PRRC2C: variants seen among roughly 807,000 people sequenced by gnomAD.
PRRC2C encodes the protein proline rich coiled-coil 2C.
A neutral mutation model predicts 317.2 loss-of-function variants in PRRC2C; 72 were observed. The ratio of observed to expected loss-of-function variants is 0.23; its 90% CI spans 0.19 to 0.28. The LOEUF is 0.28. PRRC2C is among the 10% of genes least tolerant of loss of function. The pLI, the probability that PRRC2C is intolerant of heterozygous loss-of-function variation, is 1.00. For synonymous variants in PRRC2C, 1,296 were observed against 1,205.9 expected (o/e 1.07, Z -1.55); for missense variants, 3,074 against 3,459.7 (o/e 0.89, Z 2.80).
intron 1 of PRRC2C, among the ~76,000 whole-genome samples, chr1:171,495,095 T>G (rs983915136): frequency 1.3e-5 from 2 of 152,358 alleles, no homozygotes; most frequent in Admixed American, 1.3e-4. Context: ...ATGTTTGTCT[T>G]CATGAAGCCT....
chr1:171,548,282 T>G (rs1679555588), intron 17 of PRRC2C, among the ~76,000 whole-genome samples: 1 of 152,146 alleles, frequency 6.6e-6, no homozygotes, highest in South Asian at 2.1e-4. Context: ...TTCTAAGGAG[T>G]GAAAGCCAGT....
intron 19 of PRRC2C, among the ~76,000 whole-genome samples, chr1:171,558,583 T>A (rs1681915470): frequency 6.6e-6 from 1 of 152,222 alleles, no homozygotes; most frequent in Admixed American, 6.5e-5. Flanking sequence ...TGGTGGTCAG[T>A]TATCTTTGAT....
intron 34 of PRRC2C, 104 bp downstream of exon 34, chr1:171,589,709 G>C (rs1650924014): frequency 3.7e-6 from 3 of 804,280 alleles, no homozygotes; most frequent in African/African-American, 3.6e-5. Context: ...CATTGTCTTA[G>C]CAGACTTAAC....
rs1355806448 is a variant in PRRC2C, at chr1:171,557,450, C to T, written c.5338C>T (p.Pro1780Ser). The change falls in exon 19 of 35, where the codon CCA becomes TCA. Residue 1780 changes from proline (P) to serine (S), a missense_variant. Around this residue, in one of 11 missense-constraint regions of PRRC2C, gnomAD observed 640 missense variants for 676.1 expected, o/e 0.95. Coordinates refer to ENST00000647382, the MANE Select transcript of PRRC2C (RefSeq NM_001387844.1). ...APLPATLTPV[P>S]ASTSAPVPAS... Reference sequence around the variant, plus strand: ...ACTTCCGGCAACCTTAACTCCAGTTCCAGCCTCAACCTCAGCTCCGGTTCC... The same window carrying T: ...ACTTCCGGCAACCTTAACTCCAGTTTCAGCCTCAACCTCAGCTCCGGTTCC... The T allele has an allele frequency of 5.2e-6, 8 of 1,546,240 alleles. No homozygotes were observed. Among genetic ancestry groups the T allele is most frequent in the Non-Finnish European group, 7.0e-6 (8 of 1,143,124 alleles).
intron 20 of PRRC2C, among the ~76,000 whole-genome samples, chr1:171,561,598 C>T (rs1682726654): frequency 6.6e-6 from 1 of 152,218 alleles, no homozygotes; most frequent in South Asian, 2.1e-4. Context: ...AAGTGATACT[C>T]TTGCTGCTAC....
rs577357740 is a variant in PRRC2C, at chr1:171,551,588, G to C, written c.5127+1348G>C. 5.9e-5 allele frequency among the ~76,000 whole-genome samples: 9 copies of C among 152,236 alleles called. No homozygotes were observed. In the South Asian group the frequency reaches 1.9e-3, roughly 32 times the overall value. Reference sequence around the variant, plus strand: ...TAGGTTTTCTTCTAGGGTTTTTATCGTTTTAGGTCTAACATTTAAGTCTTT... The same window carrying C: ...TAGGTTTTCTTCTAGGGTTTTTATCCTTTTAGGTCTAACATTTAAGTCTTT... On this transcript the variant is annotated intron_variant, in intron 18 of 34. Coordinates refer to ENST00000647382, the MANE Select transcript of PRRC2C (RefSeq NM_001387844.1).
intron 3 of PRRC2C, 133 bp from the exon 4 acceptor site, chr1:171,514,403 A>C (rs1671950287): frequency 2.9e-6 from 2 of 679,534 alleles, no homozygotes; most frequent in Middle Eastern, 7.9e-4. Context: ...GCAGAGAGAA[A>C]ACATTTATTG....
chr1:171,546,346 T>G (rs1241216245), intron 17 of PRRC2C, among the ~76,000 whole-genome samples: 1 of 152,232 alleles, frequency 6.6e-6, no homozygotes, highest in Non-Finnish European at 1.5e-5. Flanking sequence ...AGAGATTTAC[T>G]AAGTTAAGAC....
intron 11 of PRRC2C, 57 bp downstream of exon 11, chr1:171,527,901 T>A: frequency 7.0e-7 from 1 of 1,431,634 alleles, no homozygotes; most frequent in Non-Finnish European, 9.6e-7. Context: ...TTTGTTTTGG[T>A]GGAAAGACAC....
At chr1:171,526,341 C>A (rs1455578529) in intron 10 of PRRC2C, among the ~76,000 whole-genome samples, 3 of 152,100 alleles carry the variant, frequency 2.0e-5, no homozygotes, top group African/African-American at 7.2e-5. Flanking sequence ...GACTAAAATT[C>A]TTTTTTTCCC....
chr1:171,564,777 T>C (rs1378350715), intron 20 of PRRC2C, among the ~76,000 whole-genome samples: 2 of 152,318 alleles, frequency 1.3e-5, no homozygotes, highest in Non-Finnish European at 2.9e-5. Context: ...AAAAATACGA[T>C]ATTATAATTT....
Position 171,540,408 on chromosome 1 carries a change from C to T in PRRC2C, c.2942C>T (p.Pro981Leu). 6.2e-7 allele frequency: 1 copy of T among 1,613,042 alleles called. No homozygotes were observed. Among genetic ancestry groups the T allele is most frequent in the Non-Finnish European group, 8.5e-7 (1 of 1,179,574 alleles). ...GGCTTTATACGATCTTCTGAAGGAC[C>T]AAAACCTGAAAAAGTATATAAATCT... ...KEGFIRSSEGPKPEKVYKSKS... is the reference protein window; with the variant it reads ...KEGFIRSSEGLKPEKVYKSKS... The change falls in exon 16 of 35, where the codon CCA becomes CTA. Residue 981 changes from proline (P) to leucine (L), a missense_variant. Pro to Leu is a moderately conservative substitution (Grantham distance 98, BLOSUM62 -3). Around this residue, in one of 11 missense-constraint regions of PRRC2C, gnomAD observed 1,320 missense variants for 1,395.7 expected, o/e 0.95. Transcript: ENST00000647382.
intron 10 of PRRC2C, among the ~76,000 whole-genome samples, chr1:171,525,246 T>G (rs1571781825): frequency 6.6e-6 from 1 of 152,290 alleles, no homozygotes; most frequent in East Asian, 1.9e-4. Context: ...GGATAATATT[T>G]TTCTAAAATA....
intron 15 of PRRC2C, 77 bp downstream of exon 15, chr1:171,537,550 C>A: frequency 2.3e-6 from 3 of 1,295,500 alleles, no homozygotes; most frequent in Non-Finnish European, 2.1e-6. Flanking sequence ...TTCTGAAGAT[C>A]ATTCCAATTT....
At chr1:171,531,623 T>G (rs1675909280) in intron 11 of PRRC2C, among the ~76,000 whole-genome samples, 1 of 152,220 alleles carries the variant, frequency 6.6e-6, no homozygotes, top group African/African-American at 2.4e-5. Context: ...TTTAATTACT[T>G]TTATTGTTTT....
intron 1 of PRRC2C, among the ~76,000 whole-genome samples, chr1:171,496,334 C>G (rs756448996): frequency 3.3e-5 from 5 of 149,858 alleles, no homozygotes; most frequent in African/African-American, 9.9e-5. Context: ...TCCCTAGTAG[C>G]TGAGACTACA....
intron 4 of PRRC2C, among the ~76,000 whole-genome samples, chr1:171,515,466 A>T (rs1200514959): frequency 1.3e-5 from 2 of 152,220 alleles, no homozygotes; most frequent in Non-Finnish European, 2.9e-5. Context: ...TGAAAGAGAA[A>T]CAAGCTCTTC....
In PRRC2C at chr1:171,540,929, C is replaced by T. The variant is rs1246930491; in HGVS notation, c.3463C>T (p.Pro1155Ser). Residue 1155 changes from proline (P) to serine (S), a missense_variant, in exon 16 of 35, where the codon CCA (proline) becomes TCA (serine). Pro to Ser is a moderately conservative substitution (Grantham distance 74). Coordinates refer to ENST00000647382, the MANE Select transcript of PRRC2C (RefSeq NM_001387844.1). ...AGACCTTGTTATAGAGAGGCCTCGA[C>T]CAGATTCAAGACCAGCAGTTAAAAA... The part of the protein sequence containing the change: ...SKDLVIERPR[P>S]DSRPAVKKES... The T allele has an allele frequency of 1.2e-6, 2 of 1,613,852 alleles. No individual in the cohort carries two copies. The highest frequency in any genetic ancestry group is 1.1e-5 in the South Asian group (1 of 91,072).
chr1:171,501,775 C>G (rs1396277448), intron 1 of PRRC2C, among the ~76,000 whole-genome samples: 1 of 152,160 alleles, frequency 6.6e-6, no homozygotes, highest in Non-Finnish European at 1.5e-5. Context: ...TCAGAGCTGG[C>G]AAGCTGAAGG....
Sources: gnomAD v4.1 joint callset for allele counts (sites outside exome capture counted in the v4.1 genomes callset) on GRCh38, gnomAD v4.1.1 for gene constraint, gnomAD v4.1.1 regional missense constraint, MANE v1.5 for transcripts, NCBI Gene and HGNC (gene_info 2026-07-23, HGNC 2026-07-21) for gene names.